Variants in ATAD3B observed in about 807,000 individuals in gnomAD.
The protein encoded by ATAD3B is ATPase family AAA domain-containing protein 3B.
Under a neutral mutation model 70.2 loss-of-function variants are expected in ATAD3B, and 59 were observed. The observed-to-expected ratio is 0.84, with a 90% CI of 0.68 to 1.04. ATAD3B has a LOEUF of 1.04. ATAD3B is among the 50% of genes least tolerant of loss of function. The pLI is 0.00. For missense variants in ATAD3B, 961 were observed against 913.4 expected (o/e 1.05, Z -0.67); for synonymous variants, 423 against 388.6 (o/e 1.09, Z -1.04).
the ATAD3B span, among the ~76,000 whole-genome samples, chr1:1,508,956 CTT>C: frequency 1.3e-5 from 2 of 151,612 alleles, no homozygotes; most frequent in Admixed American, 1.3e-4. Context: ...CCGCCTTGGG[CTT>C]TCTATTATTA....
chr1:1,476,199 C>G (rs957591355), intron 1 of ATAD3B, among the ~76,000 whole-genome samples: 1 of 148,014 alleles, frequency 6.8e-6, no homozygotes. Flanking sequence ...TGAAATGTGA[C>G]GCTGATGCCC....
intron 7 of ATAD3B, chr1:1,484,707 G>A (rs890284180): frequency 2.0e-5 from 10 of 490,918 alleles, no homozygotes; most frequent in African/African-American, 3.9e-5. Context: ...ATGTACCAGA[G>A]GGTGTGGCCC....
At chr1:1,473,522 T>C (rs1639439685) in intron 1 of ATAD3B, among the ~76,000 whole-genome samples, 1 of 132,856 alleles carries the variant, frequency 7.5e-6, no homozygotes, top group African/African-American at 2.9e-5. Flanking sequence ...TTTAAGATGA[T>C]GTCTTGCTCT....
the ATAD3B span, among the ~76,000 whole-genome samples, chr1:1,505,714 A>G: frequency 5.3e-5 from 8 of 151,702 alleles, no homozygotes; most frequent in South Asian, 6.3e-4. Flanking sequence ...GCTTCTCACT[A>G]TGTCCCTTCA....
In ATAD3B at chr1:1,490,581, G is replaced by A. The variant is rs558304939; in HGVS notation, c.1524G>A (p.Gln508=). Residue 508 remains glutamine (Q), a synonymous_variant, in exon 15 of 16, where the codon CAG becomes CAA. Transcript: ENST00000673477. ...TCCCCAGGCGCCTGAAGCTGGCCCA[G>A]TTTGACTACGGGAGGAAGTGCTCGG... ...TEGKRRLKLA[Q]FDYGRKCSEV... The A allele has an allele frequency of 8.6e-5, 138 of 1,610,912 alleles. 1 individual carries two copies. The highest frequency in any genetic ancestry group is 3.5e-4 in the Admixed American group (21 of 59,466).
chr1:1,484,941 C>G (rs1473969716), intron 7 of ATAD3B, 75 bp from the exon 8 acceptor site: 1 of 1,515,918 alleles, frequency 6.6e-7, no homozygotes, highest in Non-Finnish European at 8.9e-7. Context: ...AGGGTGGGGG[C>G]AGCCCCGTGC....
chr1:1,508,913 G>A, the ATAD3B span, among the ~76,000 whole-genome samples: 6 of 151,710 alleles, frequency 4.0e-5, no homozygotes, highest in East Asian at 1.9e-4. Context: ...CCTGCCTCTC[G>A]GAAGCTGCCC....
the ATAD3B span, among the ~76,000 whole-genome samples, chr1:1,506,140 C>T: frequency 6.6e-6 from 1 of 152,090 alleles, no homozygotes; most frequent in African/African-American, 2.4e-5. Context: ...GGCTGAGAGG[C>T]AGGAGAATCA....
intron 15 of ATAD3B, among the ~76,000 whole-genome samples, chr1:1,494,440 C>G (rs1159182487): frequency 6.6e-6 from 1 of 151,280 alleles, no homozygotes; most frequent in African/African-American, 2.4e-5. Context: ...GGTGCGGCTC[C>G]GGTCAGTGTC....
At chr1:1,473,614 G>A (rs1639444036) in intron 1 of ATAD3B, among the ~76,000 whole-genome samples, 2 of 151,012 alleles carry the variant, frequency 1.3e-5, no homozygotes, top group Non-Finnish European at 3.0e-5. Flanking sequence ...TGCTGCCTCA[G>A]CCTCCCAAGT....
chr1:1,472,989 A>AT (rs996575870), intron 1 of ATAD3B, among the ~76,000 whole-genome samples: 5 of 151,034 alleles, frequency 3.3e-5, no homozygotes, highest in South Asian at 2.1e-4. Flanking sequence ...CGCCCGGCTA[A>AT]TTTTTTTTGT....
chr1:1,488,482 C>G (rs1640356358), intron 12 of ATAD3B, among the ~76,000 whole-genome samples: 1 of 152,060 alleles, frequency 6.6e-6, no homozygotes, highest in South Asian at 2.1e-4. Flanking sequence ...CGGCCTTGGC[C>G]TGGCACAGTG....
In ATAD3B at chr1:1,471,771, C is replaced by T. The variant is rs1017165803; in HGVS notation, c.-114C>T. 11 of 1,205,738 alleles carry T rather than the reference C, an allele frequency of 9.1e-6. No homozygotes were observed. In the African/African-American group the frequency reaches 9.5e-5, roughly 10 times the overall value. 74.7% of individuals were successfully genotyped at this position (1,205,738 alleles called of 1,614,324 possible). ...CCGGGAGGAAGGGGTGTGTGTTTCGCCTGCGCAGTGGTCCTGGCCACCGGC... is the reference window on the plus strand; with the variant it reads ...CCGGGAGGAAGGGGTGTGTGTTTCGTCTGCGCAGTGGTCCTGGCCACCGGC... On this transcript the variant is annotated 5_prime_UTR_variant, in exon 1 of 16. Transcript: ENST00000673477.
At chr1:1,498,380 G>A (rs868040516), downstream of ATAD3B, among the ~76,000 whole-genome samples, 19 of 152,026 alleles carry the variant, frequency 1.2e-4, no homozygotes, top group East Asian at 7.7e-4. Context: ...TAGGAGGATC[G>A]CCTGAGCATG....
rs200050752 is a variant in ATAD3B at position 1,478,690 on chromosome 1, C to T, written c.329C>T (p.Ala110Val). 1.3e-3 allele frequency: 2,048 copies of T among 1,541,098 alleles called. 45 individuals carry two copies. The East Asian group carries it at 0.04, about 30-fold the overall frequency. Residue 110 changes from alanine to valine, a missense_variant, in exon 3 of 16, where the codon GCG (alanine) becomes GTG (valine). Ala to Val is a moderately conservative substitution (Grantham distance 64). Around this residue, in one of 4 missense-constraint regions of ATAD3B, gnomAD observed 187 missense variants for 244.3 expected, o/e 0.77. Coordinates refer to ENST00000673477, the MANE Select transcript of ATAD3B (RefSeq NM_031921.6). The stretch of plus-strand genomic sequence containing the variant: ...CAGCTCAAGAGCGAGCAGATCCGGG[C>T]GCAGGCTGAGGAGAGGAGGAAGACC... ...VEQLKSEQIRAQAEERRKTLS... is the reference protein window; with the variant it reads ...VEQLKSEQIRVQAEERRKTLS...
At chr1:1,486,015 G>A in intron 9 of ATAD3B, 95 bp from the exon 10 acceptor site, 3 of 1,599,034 alleles carry the variant, frequency 1.9e-6, no homozygotes, top group South Asian at 2.2e-5. Context: ...GCTTCCTGAG[G>A]AGCAGAGTCC....
intron 15 of ATAD3B, among the ~76,000 whole-genome samples, chr1:1,491,811 T>C (rs1640554430): frequency 6.6e-6 from 1 of 151,952 alleles, no homozygotes; most frequent in African/African-American, 2.4e-5. Flanking sequence ...GTCCCAGATC[T>C]CAAACCCCGT....
chr1:1,487,247 T>G (rs577788407), intron 11 of ATAD3B, among the ~76,000 whole-genome samples: 2 of 151,832 alleles, frequency 1.3e-5, no homozygotes, highest in African/African-American at 4.8e-5. Flanking sequence ...TCCCAGACTT[T>G]CGGAGGCGGA....
intron 2 of ATAD3B, among the ~76,000 whole-genome samples, chr1:1,477,849 G>GGACGCCCCAC (rs1639675362): frequency 6.6e-6 from 1 of 151,878 alleles, no homozygotes; most frequent in African/African-American, 2.4e-5. Context: ...GGGATTACAG[G>GGACGCCCCAC]CACGCGCCAC....
Sources: allele counts gnomAD v4.1 joint callset (sites outside exome capture counted in the v4.1 genomes callset), GRCh38; gene constraint gnomAD v4.1.1; regional missense constraint gnomAD v4.1.1; transcripts MANE v1.5; gene names NCBI Gene and HGNC (gene_info 2026-07-23, HGNC 2026-07-21).